SLC30A6: variants seen among roughly 807,000 people sequenced by gnomAD.
SLC30A6 encodes zinc transporter 6.
A neutral mutation model predicts 63.0 loss-of-function variants in SLC30A6; 55 were observed. The observed-to-expected ratio is 0.87, with a 90% CI of 0.70 to 1.09. The LOEUF (loss-of-function observed/expected upper bound fraction) is 1.09. Among genes scored for constraint, SLC30A6 ranks in the 50% least tolerant of loss-of-function variants. The probability of loss-of-function intolerance (pLI) is 0.00; values close to 1 mark genes in which losing one functional copy is unlikely to be tolerated. For missense variants in SLC30A6, 587 were observed against 549.2 expected, an observed-to-expected ratio of 1.07 and a Z score of -0.69; for synonymous variants, 224 against 186.1, an observed-to-expected ratio of 1.20 and a Z score of -1.66.
rs1316792099 is a variant in SLC30A6 at position 32,184,287 on chromosome 2, T to C, written c.233T>C (p.Leu78Ser). Residue 78 changes from leucine to serine, a missense_variant, in exon 5 of 14, where the codon TTA becomes TCA. Physicochemically the swap from Leu to Ser is moderately radical, Grantham distance 145. Transcript: ENST00000282587. ...TTTTTACTTAGTTTAATGACATGTT[T>C]AATAAGTTACTGGGTAACATTGAGG... Reference protein sequence around the residue: ...IFDLFSLMTCLISYWVTLRKP... With the variant: ...IFDLFSLMTCSISYWVTLRKP... 6.5e-7 allele frequency: 1 copy of C among 1,546,800 alleles called. No individual in the cohort carries two copies. The highest frequency in any genetic ancestry group is 8.8e-7 in the Non-Finnish European group (1 of 1,141,406).
At chr2:32,211,807 A>G (rs575147551) in intron 13 of SLC30A6, among the ~76,000 whole-genome samples, 1 of 151,524 alleles carries the variant, frequency 6.6e-6, no homozygotes, top group Non-Finnish European at 1.5e-5. Context: ...TTTAGTAGAG[A>G]TGGGGTTTTA....
At chr2:32,176,772 C>T (rs1198487519) in intron 4 of SLC30A6, among the ~76,000 whole-genome samples, 1 of 151,280 alleles carries the variant, frequency 6.6e-6, no homozygotes, top group African/African-American at 2.4e-5. Context: ...ACAATATTTT[C>T]TTTCTTTTTT....
Position 32,191,705 on chromosome 2 carries a change from G to A in SLC30A6, c.285-631G>A, listed in dbSNP as rs115334587. Among the ~76,000 whole-genome samples, 1,224 of 151,786 alleles carry A rather than the reference G, an allele frequency of 8.1e-3. 5 individuals are homozygous for A. Among genetic ancestry groups the A allele is most frequent in the Non-Finnish European group, 0.012 (814 of 67,950 alleles). On this transcript the variant is annotated intron_variant, in intron 5 of 13. Transcript: ENST00000282587. ...CTCTAAACAGTTACTTTTCTTCTTC[G>A]TGTCCTAAACTTCTTATCTGTTTGG...
intron 5 of SLC30A6, among the ~76,000 whole-genome samples, chr2:32,188,838 C>T (rs1405133462): frequency 6.6e-5 from 10 of 152,326 alleles, no homozygotes; most frequent in African/African-American, 1.7e-4. Context: ...AACCTCCCTT[C>T]GTGTCCATTC....
chr2:32,220,094 T>A, intron 13 of SLC30A6, 119 bp from the exon 14 acceptor site: 1 of 1,148,892 alleles, frequency 8.7e-7, no homozygotes, highest in Non-Finnish European at 1.2e-6. Flanking sequence ...AACATTAAGC[T>A]TTTTCTTTCA....
intron 5 of SLC30A6, among the ~76,000 whole-genome samples, chr2:32,187,577 T>C (rs1682947612): frequency 6.6e-6 from 1 of 152,204 alleles, no homozygotes; most frequent in Non-Finnish European, 1.5e-5. Context: ...AAGTATCACA[T>C]ATATCTGGAG....
At chr2:32,192,533 A>C (rs1235598525) in intron 6 of SLC30A6, 117 bp downstream of exon 6, 23 of 762,624 alleles carry the variant, frequency 3.0e-5, no homozygotes, top group Non-Finnish European at 4.9e-5. Flanking sequence ...GCAGGGCTGG[A>C]GTTTTGATAG....
chr2:32,194,494 G>GA (rs1168634263), intron 8 of SLC30A6, among the ~76,000 whole-genome samples: 1 of 152,120 alleles, frequency 6.6e-6, no homozygotes, highest in Non-Finnish European at 1.5e-5. Context: ...ACTTCAGACT[G>GA]ATTTTTCACT....
In SLC30A6 at chr2:32,199,167, C is replaced by T. The variant is rs76194687; in HGVS notation, c.665+1341C>T. Among the ~76,000 whole-genome samples, 629 of 152,270 alleles carry T rather than the reference C, an allele frequency of 4.1e-3. 3 individuals carry two copies. Among genetic ancestry groups the T allele is most frequent in the African/African-American group, 0.015 (605 of 41,538 alleles). On this transcript the variant is annotated intron_variant, in intron 10 of 13. Transcript: ENST00000282587. ...TGTTGTAACATGTCAGAATTTCCTT[C>T]CTTTTTAATTGGAATGCTGAATCAC...
At chr2:32,207,399 CAG>C (rs1684866344) in intron 12 of SLC30A6, among the ~76,000 whole-genome samples, 5 of 151,118 alleles carry the variant, frequency 3.3e-5, no homozygotes, top group African/African-American at 1.2e-4. Context: ...TTTTTTGAGA[CAG>C]AGTCTTGCTC....
At chr2:32,210,917 CA>C (rs1685204899) in intron 13 of SLC30A6, among the ~76,000 whole-genome samples, 1 of 152,130 alleles carries the variant, frequency 6.6e-6, no homozygotes, top group African/African-American at 2.4e-5. Flanking sequence ...ACCAGAGTGT[CA>C]AGAGACCAAA....
chr2:32,219,034 C>T (rs910812286), intron 13 of SLC30A6, among the ~76,000 whole-genome samples: 15 of 152,090 alleles, frequency 9.9e-5, no homozygotes, highest in African/African-American at 3.6e-4. Flanking sequence ...TTATTACCTA[C>T]CTATCATTTT....
At chr2:32,220,102 T>C in intron 13 of SLC30A6, 111 bp from the exon 14 acceptor site, 2 of 1,253,396 alleles carry the variant, frequency 1.6e-6, no homozygotes, top group Non-Finnish European at 2.2e-6. Flanking sequence ...GCTTTTTCTT[T>C]CAAAGAAAAT....
At chr2:32,166,553 T>A (rs532365119) in intron 1 of SLC30A6, among the ~76,000 whole-genome samples, 23 of 152,380 alleles carry the variant, frequency 1.5e-4, no homozygotes, top group African/African-American at 5.1e-4. Flanking sequence ...TTAGAATTAG[T>A]CATTCTTTGC....
chr2:32,214,794 A>C (rs1177179018), intron 13 of SLC30A6, among the ~76,000 whole-genome samples: 1 of 152,174 alleles, frequency 6.6e-6, no homozygotes, highest in Non-Finnish European at 1.5e-5. Flanking sequence ...CTCTGAAAAC[A>C]GAGTTTCCTT....
Position 32,192,392 on chromosome 2 carries a change from G to C in SLC30A6, c.341G>C (p.Gly114Ala), listed in dbSNP as rs1464966383. Residue 114 changes from glycine (G) to alanine (A), a missense_variant, in exon 6 of 14, where the codon GGA (glycine) becomes GCA (alanine). Gly to Ala is a moderately conservative substitution (Grantham distance 60). Coordinates refer to ENST00000282587, the MANE Select transcript of SLC30A6 (RefSeq NM_017964.5). Reference protein sequence around the residue: ...VFASTVLAQLGALFILKESAE... With the variant: ...VFASTVLAQLAALFILKESAE... ...GCCTCCACAGTCTTGGCACAGTTGG[G>C]AGCTCTCTTTATATTAAAAGAAAGG... 1 of 1,613,892 alleles carries C rather than the reference G, an allele frequency of 6.2e-7. No individual in the cohort carries two copies. The highest frequency in any genetic ancestry group is 1.3e-5 in the African/African-American group (1 of 75,038).
At chr2:32,210,594 T>A (rs1425797255) in intron 13 of SLC30A6, among the ~76,000 whole-genome samples, 1 of 151,512 alleles carries the variant, frequency 6.6e-6, no homozygotes, top group Non-Finnish European at 1.5e-5. Flanking sequence ...TTAATTAATT[T>A]ATCATGAACA....
At chr2:32,183,110 C>T (rs906416855) in intron 4 of SLC30A6, among the ~76,000 whole-genome samples, 1 of 151,842 alleles carries the variant, frequency 6.6e-6, no homozygotes, top group African/African-American at 2.4e-5. Context: ...TCACTTGAAC[C>T]TGGGAGGCGG....
At chr2:32,217,047 C>T (rs1290936139) in intron 13 of SLC30A6, among the ~76,000 whole-genome samples, 2 of 151,630 alleles carry the variant, frequency 1.3e-5, no homozygotes, top group African/African-American at 4.8e-5. Context: ...TGCCACCACG[C>T]CCGGCAAATT....
Sources: gnomAD v4.1 joint callset for allele counts (sites outside exome capture counted in the v4.1 genomes callset) on GRCh38, gnomAD v4.1.1 for gene constraint, MANE v1.5 for transcripts, NCBI Gene and HGNC (gene_info 2026-07-23, HGNC 2026-07-21) for gene names.